SCHIP1: variants seen among roughly 807,000 people sequenced by gnomAD.
SCHIP1 encodes the protein schwannomin interacting protein 1.
Under a neutral mutation model 29.7 loss-of-function variants are expected in SCHIP1, and 8 were observed. The ratio of observed to expected loss-of-function variants is 0.27; its 90% CI spans 0.16 to 0.49. The LOEUF is 0.49. Among genes scored for constraint, SCHIP1 ranks in the 20% least tolerant of loss-of-function variants. SCHIP1 has a pLI of 0.99. For synonymous variants in SCHIP1, 76 were observed against 94.9 expected (o/e 0.80, Z 1.16); for missense variants, 193 against 294.6 (o/e 0.66, Z 2.52).
chr3:159,589,881 T>C, the SCHIP1 span, among the ~76,000 whole-genome samples: 6 of 152,128 alleles, frequency 3.9e-5, no homozygotes, highest in Non-Finnish European at 4.4e-5. Flanking sequence ...CAAGTATGTA[T>C]ACAAGAGTCT....
chr3:159,487,038 A>G, the SCHIP1 span, among the ~76,000 whole-genome samples: 1 of 152,216 alleles, frequency 6.6e-6, no homozygotes, highest in Non-Finnish European at 1.5e-5. Context: ...ACTGGTGACA[A>G]TGAGCTGGTG....
At chr3:159,395,311 C>G in the SCHIP1 span, among the ~76,000 whole-genome samples, 1 of 152,104 alleles carries the variant, frequency 6.6e-6, no homozygotes, top group African/African-American at 2.4e-5. Context: ...TTTTGTGTCT[C>G]TATTTCCTTC....
the SCHIP1 span, among the ~76,000 whole-genome samples, chr3:159,791,672 C>G: frequency 2.0e-5 from 3 of 152,216 alleles, no homozygotes; most frequent in Non-Finnish European, 4.4e-5. Flanking sequence ...ACATCCTTCA[C>G]ACAGTCTTAG....
chr3:159,295,242 T>C, the SCHIP1 span, among the ~76,000 whole-genome samples: 1 of 129,394 alleles, frequency 7.7e-6, no homozygotes, highest in Admixed American at 8.2e-5. Flanking sequence ...ATGGTGAAAT[T>C]CTATCTCTAC....
At chr3:159,543,675 C>T in the SCHIP1 span, among the ~76,000 whole-genome samples, 1 of 151,886 alleles carries the variant, frequency 6.6e-6, no homozygotes, top group Admixed American at 6.6e-5. Flanking sequence ...CCGCAATAAA[C>T]ATACGTGTGC....
chr3:159,273,766 A>G, the SCHIP1 span: 3 of 1,603,474 alleles, frequency 1.9e-6, no homozygotes, highest in Non-Finnish European at 2.6e-6. Flanking sequence ...TTTCAAAGCC[A>G]ATTTGAATAA....
chr3:159,457,665 C>T, the SCHIP1 span, among the ~76,000 whole-genome samples: 4 of 152,034 alleles, frequency 2.6e-5, no homozygotes, highest in Non-Finnish European at 4.4e-5. Context: ...CAGTAGTCTT[C>T]CCTTATCCTC....
At chr3:159,750,705 G>A in the SCHIP1 span, among the ~76,000 whole-genome samples, 26 of 152,068 alleles carry the variant, frequency 1.7e-4, no homozygotes, top group Non-Finnish European at 2.5e-4. Context: ...CCAGGAACAG[G>A]GATCTGCTTG....
chr3:159,558,504 T>C, the SCHIP1 span, among the ~76,000 whole-genome samples: 3 of 152,192 alleles, frequency 2.0e-5, no homozygotes, highest in African/African-American at 7.2e-5. Flanking sequence ...AGAGCACATC[T>C]AACTTGGTGT....
the SCHIP1 span, among the ~76,000 whole-genome samples, chr3:159,427,020 T>C: frequency 6.6e-6 from 1 of 152,194 alleles, no homozygotes; most frequent in African/African-American, 2.4e-5. Context: ...AATTAGGTAT[T>C]GATGGGACGT....
chr3:159,827,665 C>CACGGTGGCGGGCGCCTGTAGTCCCAGCT, the SCHIP1 span, among the ~76,000 whole-genome samples: 1 of 151,896 alleles, frequency 6.6e-6, no homozygotes, highest in African/African-American at 2.4e-5. Context: ...ATTAGCCGGG[C>CACGGTGGCGGGCGCCTGTAGTCCCAGCT]ACGGTGGCGG....
chr3:159,755,100 C>T, the SCHIP1 span, among the ~76,000 whole-genome samples: 102 of 152,046 alleles, frequency 6.7e-4, no homozygotes, highest in Non-Finnish European at 1.3e-3. Flanking sequence ...CCAGGCGTGG[C>T]GGCAGGCACC....
the SCHIP1 span, among the ~76,000 whole-genome samples, chr3:159,811,819 A>G: frequency 6.6e-6 from 1 of 152,154 alleles, no homozygotes; most frequent in Admixed American, 6.5e-5. Context: ...TTCCTGCCCA[A>G]AAGCCTGCTG....
chr3:159,561,868 T>A, the SCHIP1 span, among the ~76,000 whole-genome samples: 1 of 152,196 alleles, frequency 6.6e-6, no homozygotes, highest in East Asian at 1.9e-4. Context: ...TGAGTTGATA[T>A]GAGAATAGCA....
chr3:159,625,475 T>C, the SCHIP1 span, among the ~76,000 whole-genome samples: 1 of 152,190 alleles, frequency 6.6e-6, no homozygotes. Context: ...AGTAACAGCA[T>C]TGTTCTGTCC....
the SCHIP1 span, among the ~76,000 whole-genome samples, chr3:159,768,991 C>T: frequency 1.3e-5 from 2 of 152,144 alleles, no homozygotes; most frequent in Admixed American, 6.5e-5. Context: ...CCGTCTTGTG[C>T]GTGAACACTC....
chr3:159,698,423 G>A, the SCHIP1 span, among the ~76,000 whole-genome samples: 2 of 152,136 alleles, frequency 1.3e-5, no homozygotes, highest in Non-Finnish European at 2.9e-5. Flanking sequence ...ATTTTGGCAT[G>A]TAGTCCATCA....
the SCHIP1 span, among the ~76,000 whole-genome samples, chr3:159,622,887 C>T: frequency 6.6e-6 from 1 of 152,102 alleles, no homozygotes; most frequent in Non-Finnish European, 1.5e-5. Flanking sequence ...CACTGCACTC[C>T]AGCCTGGGAG....
At chr3:159,400,508 A>G in the SCHIP1 span, among the ~76,000 whole-genome samples, 1 of 152,310 alleles carries the variant, frequency 6.6e-6, no homozygotes, top group South Asian at 2.1e-4. Flanking sequence ...TTGATGAAGG[A>G]GAAGAGTTAA....
Sources: gnomAD v4.1 joint callset for allele counts (sites outside exome capture counted in the v4.1 genomes callset) on GRCh38, gnomAD v4.1.1 for gene constraint, MANE v1.5 for transcripts, NCBI Gene and HGNC (gene_info 2026-07-23, HGNC 2026-07-21) for gene names.